The following SLC48A1 variants were observed in gnomAD, a reference collection of about 807,000 sequenced individuals.
SLC48A1 encodes the protein heme transporter HRG1.
In SLC48A1, 6 loss-of-function variants were observed where a neutral mutation model predicts 14.8. The observed-to-expected ratio is 0.41, with a 90% confidence interval of 0.22 to 0.80. The LOEUF (loss-of-function observed/expected upper bound fraction) is 0.80, where lower values mean the gene tolerates loss of function less well. Among genes scored for constraint, SLC48A1 ranks in the 30% least tolerant of loss-of-function variants. SLC48A1 has a pLI of 0.34. For synonymous variants in SLC48A1, 89 were observed against 90.0 expected (o/e 0.99, Z 0.06); for missense variants, 165 against 204.8 (o/e 0.81, Z 1.19).
intron 2 of SLC48A1, among the ~76,000 whole-genome samples, chr12:47,764,158 ATG>A (rs146261285): frequency 2.0e-5 from 3 of 151,200 alleles, no homozygotes; most frequent in Non-Finnish European, 3.0e-5. Context: ...ATGTGTGTGT[ATG>A]TGTGTGTGTG....
chr12:47,758,615 G>C (rs1385827506), exon 1 of SLC48A1: 1 of 1,610,458 alleles, frequency 6.2e-7, no homozygotes, highest in Non-Finnish European at 8.5e-7. Context: ...GGGGTCCCCA[G>C]CGACCCCCAT....
intron 1 of SLC48A1, among the ~76,000 whole-genome samples, chr12:47,775,667 C>T (rs554938291): frequency 2.6e-5 from 4 of 152,330 alleles, no homozygotes; most frequent in Admixed American, 2.6e-4. Context: ...TTTTATAGCT[C>T]AGAATCTGCT....
At chr12:47,773,661 G>T (rs1565780212) in intron 1 of SLC48A1, among the ~76,000 whole-genome samples, 1 of 151,638 alleles carries the variant, frequency 6.6e-6, no homozygotes, top group Non-Finnish European at 1.5e-5. Context: ...CCACCTGGGG[G>T]TGCCGACGGC....
At chr12:47,758,255 C>T (rs139570113), upstream of SLC48A1, 5,660 of 1,432,716 alleles carry the variant, frequency 4.0e-3, 29 homozygotes, top group Middle Eastern at 0.021. Context: ...TGGGGCCTGC[C>T]GGTCTGGCGC....
At chr12:47,760,471 A>G in intron 2 of SLC48A1, 1 of 932,050 alleles carries the variant, frequency 1.1e-6, no homozygotes, top group South Asian at 5.0e-5. Flanking sequence ...GCCCTGGCCT[A>G]GAAGTTCTTG....
At chr12:47,766,344 C>T (rs1181060328) in intron 2 of SLC48A1, among the ~76,000 whole-genome samples, 1 of 152,288 alleles carries the variant, frequency 6.6e-6, no homozygotes, top group East Asian at 1.9e-4. Context: ...TCTCACTCCT[C>T]ACAGTGCTGC....
At chr12:47,766,837 C>G (rs893602564), upstream of SLC48A1, among the ~76,000 whole-genome samples, 3 of 152,200 alleles carry the variant, frequency 2.0e-5, no homozygotes, top group African/African-American at 7.2e-5. Flanking sequence ...AGCAGTTTCA[C>G]TCTAGCCCTG....
At chr12:47,760,341 T>A in exon 2 of SLC48A1, 2 of 985,406 alleles carry the variant, frequency 2.0e-6, no homozygotes, top group South Asian at 9.4e-5. Context: ...TTCTGGTAAT[T>A]TGGAAGAAGG....
At chr12:47,761,335 A>G (rs181237339) in intron 2 of SLC48A1, among the ~76,000 whole-genome samples, 46 of 152,278 alleles carry the variant, frequency 3.0e-4, no homozygotes, top group Middle Eastern at 3.4e-3. Context: ...TTCCCCTTCA[A>G]CACTACTCTT....
chr12:47,779,863 T>C (rs1233335139), intron 2 of SLC48A1, among the ~76,000 whole-genome samples: 1 of 152,226 alleles, frequency 6.6e-6, no homozygotes, highest in African/African-American at 2.4e-5. Context: ...TGCGTGCCCC[T>C]GATGATCTAA....
At chr12:47,770,010 A>T (rs991309596), upstream of SLC48A1, among the ~76,000 whole-genome samples, 2 of 152,246 alleles carry the variant, frequency 1.3e-5, no homozygotes, top group African/African-American at 2.4e-5. Flanking sequence ...GCAGATATGG[A>T]ATATTTTCTT....
intron 2 of SLC48A1, among the ~76,000 whole-genome samples, chr12:47,763,773 C>A (rs559194506): frequency 9.2e-5 from 14 of 152,290 alleles, no homozygotes; most frequent in Admixed American, 9.2e-4. Flanking sequence ...GGGATGGGCT[C>A]CTGCCTCCTG....
Position 47,780,978 on chromosome 12 carries a change from G to T in SLC48A1, c.*697G>T. Reference sequence around the variant, plus strand: ...AGGCCTGGACCTATGCTGCAGGCAAGGGTTTCCATCCCCGCTGCCCTAGGC... The same window carrying T: ...AGGCCTGGACCTATGCTGCAGGCAATGGTTTCCATCCCCGCTGCCCTAGGC... On this transcript the variant is annotated 3_prime_UTR_variant, in exon 3 of 3. Transcript: ENST00000442218. 1.9e-6 allele frequency: 1 copy of T among 521,456 alleles called. No homozygotes were observed. 32.3% of individuals were successfully genotyped at this position (521,456 alleles called of 1,614,324 possible). A position where few individuals can be genotyped will look rare whatever the true frequency, so the allele number is the denominator to read the frequency against.
At chr12:47,758,219 G>C (rs1279025290), upstream of SLC48A1, 2 of 1,436,692 alleles carry the variant, frequency 1.4e-6, no homozygotes, top group Non-Finnish European at 1.8e-6. Flanking sequence ...GCCAGGAGCT[G>C]GGGGGAGGAA....
At chr12:47,779,478 C>T (rs1942819935) in intron 2 of SLC48A1, among the ~76,000 whole-genome samples, 1 of 152,194 alleles carries the variant, frequency 6.6e-6, no homozygotes, top group Non-Finnish European at 1.5e-5. Flanking sequence ...GGGATGGGAG[C>T]GCCCTCTGGT....
At position 47,780,471 on chromosome 12, in the gene SLC48A1, A is replaced by G; in HGVS notation, c.*190A>G. On this transcript the variant is annotated 3_prime_UTR_variant, in exon 3 of 3. Coordinates refer to ENST00000442218, the MANE Select transcript of SLC48A1 (RefSeq NM_017842.3). ...TTTCGAGGAAACCTGAGTGTGGTAG[A>G]GAGGGGATCCTGCCATGTTGCTCCT... 1.1e-6 allele frequency: 1 copy of G among 879,096 alleles called. No homozygotes were observed. Among genetic ancestry groups the G allele is most frequent in the Non-Finnish European group, 2.0e-6 (1 of 511,036 alleles). 54.5% of individuals were successfully genotyped at this position (879,096 alleles called of 1,614,324 possible).
upstream of SLC48A1, chr12:47,773,233 C>G (rs941697744): frequency 1.8e-5 from 21 of 1,141,048 alleles, no homozygotes; most frequent in Admixed American, 1.0e-3. Context: ...GCGGCTCCGG[C>G]TGGCGGCTTC....
At chr12:47,762,457 C>G (rs1942404295) in intron 2 of SLC48A1, among the ~76,000 whole-genome samples, 1 of 152,210 alleles carries the variant, frequency 6.6e-6, no homozygotes, top group African/African-American at 2.4e-5. Context: ...CTACATTCCT[C>G]ATTCTCCCAC....
chr12:47,757,814 C>T, upstream of SLC48A1: 1 of 1,485,424 alleles, frequency 6.7e-7, no homozygotes, highest in Non-Finnish European at 9.1e-7. Flanking sequence ...ATCTAGGCCC[C>T]CCTCTAGCTC....
Sources: allele counts gnomAD v4.1 joint callset (sites outside exome capture counted in the v4.1 genomes callset), GRCh38; gene constraint gnomAD v4.1.1; transcripts MANE v1.5; gene names NCBI Gene and HGNC (gene_info 2026-07-23, HGNC 2026-07-21).